Variants in CMTM4 observed in about 807,000 individuals in gnomAD.
The protein encoded by CMTM4 is CKLF like MARVEL transmembrane domain containing 4.
A neutral mutation model predicts 19.0 loss-of-function variants in CMTM4; 8 were observed. The observed-to-expected ratio is 0.42, with a 90% CI of 0.25 to 0.76. CMTM4 has a LOEUF of 0.76. Among genes scored for constraint, CMTM4 ranks in the 30% least tolerant of loss-of-function variants. CMTM4 has a pLI of 0.27. For synonymous variants in CMTM4, 106 were observed against 121.1 expected (o/e 0.88, Z 0.82); for missense variants, 228 against 290.2 (o/e 0.79, Z 1.56).
downstream of CMTM4, among the ~76,000 whole-genome samples, chr16:66,614,513 CAT>C (rs1465823222): frequency 5.3e-5 from 8 of 152,206 alleles, no homozygotes; most frequent in African/African-American, 1.2e-4. The surrounding 1 kb of genome is among the most constrained non-coding windows in gnomAD (Gnocchi z 4.9). Context: ...TCACACACCA[CAT>C]GTGCTGAAAA....
At chr16:66,608,158 C>A in the CMTM4 span, 1 of 784,282 alleles carries the variant, frequency 1.3e-6, no homozygotes, top group South Asian at 1.7e-5. This position sits in a 1 kb window ranked among gnomAD's most constrained non-coding sequence, Gnocchi z 5.1. Context: ...GGATTCTAAT[C>A]TGGCTCTGCC....
Position 66,669,819 on chromosome 16 carries a change from C to T in CMTM4, c.186+26521G>A, listed in dbSNP as rs191795885. Among the ~76,000 whole-genome samples, 5 of 152,238 alleles carry T rather than the reference C, an allele frequency of 3.3e-5. No individual in the cohort carries two copies. The East Asian group carries it at 9.7e-4, about 30-fold the overall frequency. On this transcript the variant is annotated intron_variant, in intron 1 of 3. Coordinates refer to ENST00000394106, the MANE Select transcript of CMTM4 (RefSeq NM_181521.3). ...TCGGCCTCCCAAAGTGCTGGGATTA[C>T]AGGCGTGAGCCACTGTGCCCAGCCA...
At chr16:66,637,239 T>C (rs1440416193) in intron 1 of CMTM4, among the ~76,000 whole-genome samples, 1 of 152,188 alleles carries the variant, frequency 6.6e-6, no homozygotes, top group Non-Finnish European at 1.5e-5. Flanking sequence ...TTAAGAAATC[T>C]ACCAATAATA....
At chr16:66,606,243 G>A in the CMTM4 span, among the ~76,000 whole-genome samples, 46 of 152,280 alleles carry the variant, frequency 3.0e-4, no homozygotes, top group African/African-American at 1.1e-3. Flanking sequence ...CAGAGGCTGA[G>A]ATGGACAGAA....
At chr16:66,662,080 A>G (rs1433013429) in intron 1 of CMTM4, among the ~76,000 whole-genome samples, 1 of 152,228 alleles carries the variant, frequency 6.6e-6, no homozygotes, top group East Asian at 1.9e-4. Context: ...TGGCTATCAG[A>G]CAATAAAAAC....
intron 1 of CMTM4, among the ~76,000 whole-genome samples, chr16:66,656,377 CTT>C (rs890899425): frequency 4.6e-5 from 7 of 152,004 alleles, no homozygotes; most frequent in African/African-American, 1.7e-4. Context: ...ATTGTTGTTT[CTT>C]TTGAGACAGA....
rs1465843116 is a variant in CMTM4, at chr16:66,616,900, C to T, written c.*5158G>A. 4.9e-5 allele frequency: 8 copies of T among 164,930 alleles called. No individual in the cohort carries two copies. Among genetic ancestry groups the T allele is most frequent in the Admixed American group, 4.8e-4 (8 of 16,516 alleles). 10.2% of individuals were successfully genotyped at this position (164,930 alleles called of 1,614,324 possible). A position where few individuals can be genotyped will look rare whatever the true frequency, so the allele number is the denominator to read the frequency against. ...CACTGTCATCCTAAGGCAACTCAGA[C>T]GTGATAGTTTTAGACTATGATCAAA... On this transcript the variant is annotated 3_prime_UTR_variant, in exon 4 of 4. Transcript: ENST00000394106.
At chr16:66,630,529 G>C (rs1178259836) in intron 2 of CMTM4, among the ~76,000 whole-genome samples, 4 of 151,850 alleles carry the variant, frequency 2.6e-5, no homozygotes, top group Non-Finnish European at 4.4e-5. Flanking sequence ...TGGTGGAGAC[G>C]GGGTTTTGCT....
chr16:66,646,513 G>C (rs1312856581), intron 1 of CMTM4, among the ~76,000 whole-genome samples: 2 of 152,006 alleles, frequency 1.3e-5, no homozygotes, highest in African/African-American at 4.8e-5. Context: ...CTATATGGTA[G>C]AAATGTGGAT....
chr16:66,672,239 A>C (rs2016720641), intron 1 of CMTM4, among the ~76,000 whole-genome samples: 1 of 148,800 alleles, frequency 6.7e-6, no homozygotes, highest in African/African-American at 2.5e-5. Context: ...CTCTACTAAA[A>C]ATACAAAAAA....
At chr16:66,666,452 C>CA (rs991312853) in intron 1 of CMTM4, among the ~76,000 whole-genome samples, 7 of 149,922 alleles carry the variant, frequency 4.7e-5, no homozygotes, top group Non-Finnish European at 1.0e-4. Context: ...GACTCTGTCT[C>CA]AAAAAAAATA....
chr16:66,670,359 C>T (rs1292703009), intron 1 of CMTM4, among the ~76,000 whole-genome samples: 2 of 144,122 alleles, frequency 1.4e-5, no homozygotes, highest in East Asian at 4.1e-4. Context: ...GAGGCTGAGG[C>T]AGAAGAATCA....
intron 1 of CMTM4, among the ~76,000 whole-genome samples, chr16:66,662,442 A>G (rs2016514837): frequency 6.6e-6 from 1 of 152,184 alleles, no homozygotes; most frequent in African/African-American, 2.4e-5. Flanking sequence ...AGAAAAGTAG[A>G]CAGGGGGATT....
intron 1 of CMTM4, among the ~76,000 whole-genome samples, chr16:66,656,272 A>G (rs564241162): frequency 6.6e-6 from 1 of 152,350 alleles, no homozygotes; most frequent in African/African-American, 2.4e-5. Context: ...TGGATTTAAA[A>G]AACTGCCATT....
rs62057881 is a variant in CMTM4, at chr16:66,649,455, T to C, written c.187-12874A>G. On this transcript the variant is annotated intron_variant, in intron 1 of 3. Transcript: ENST00000394106. ...TTGGTCTTGATTCCTTCTCTCTATC[T>C]ATCCATCTATCTATCTATCTATCTA... Among the ~76,000 whole-genome samples, 67 of 119,644 alleles carry C rather than the reference T, an allele frequency of 5.6e-4. 1 individual carries two copies. Among genetic ancestry groups the C allele is most frequent in the South Asian group, 1.4e-3 (5 of 3,462 alleles). The allele number at this position is 119,644 out of a possible 152,430, so 78.5% of individuals were successfully genotyped here.
intron 1 of CMTM4, among the ~76,000 whole-genome samples, chr16:66,682,695 C>T (rs910458212): frequency 2.0e-5 from 3 of 152,004 alleles, no homozygotes; most frequent in African/African-American, 7.2e-5. Context: ...CTTTGCAGGC[C>T]TCATGGAACG....
intron 1 of CMTM4, among the ~76,000 whole-genome samples, chr16:66,674,393 T>C (rs994971482): frequency 3.9e-5 from 6 of 152,244 alleles, no homozygotes; most frequent in South Asian, 2.1e-4. Context: ...GGGACGGACA[T>C]GGCCCAGGAG....
chr16:66,621,202 C>T lies in CMTM4; in HGVS notation c.*856G>A, dbSNP rs963615174. Reference sequence around the variant, plus strand: ...TGCATGCTGTTTTTTAACACAAACACCTCCCACCTGCGGTTCATGAAGCCA... The same window carrying T: ...TGCATGCTGTTTTTTAACACAAACATCTCCCACCTGCGGTTCATGAAGCCA... On this transcript the variant is annotated 3_prime_UTR_variant, in exon 4 of 4. Coordinates refer to ENST00000394106, the MANE Select transcript of CMTM4 (RefSeq NM_181521.3). The T allele has an allele frequency of 1.0e-6, 1 of 985,436 alleles. No individual in the cohort carries two copies. The highest frequency in any genetic ancestry group is 1.2e-6 in the Non-Finnish European group (1 of 829,940). 61.0% of individuals were successfully genotyped at this position (985,436 alleles called of 1,614,324 possible).
intron 2 of CMTM4, among the ~76,000 whole-genome samples, chr16:66,627,512 T>C (rs1309405331): frequency 3.9e-5 from 6 of 152,256 alleles, no homozygotes; most frequent in Non-Finnish European, 8.8e-5. Context: ...AATGTAATTT[T>C]AGAACATTTT....
Sources: gnomAD v4.1 joint callset for allele counts (sites outside exome capture counted in the v4.1 genomes callset) on GRCh38, gnomAD v4.1.1 for gene constraint, Gnocchi (gnomAD v3.1) non-coding constraint, MANE v1.5 for transcripts, NCBI Gene and HGNC (gene_info 2026-07-23, HGNC 2026-07-21) for gene names.